Variants in CDC73 observed in about 807,000 individuals in gnomAD.
The protein encoded by CDC73 is parafibromin.
In CDC73, 21 loss-of-function variants were observed where a neutral mutation model predicts 83.7. That is an observed-to-expected ratio of 0.25 (90% CI 0.18 to 0.36). The LOEUF is 0.36. Among genes scored for constraint, CDC73 ranks in the 10% least tolerant of loss-of-function variants. The pLI is 1.00. For missense variants in CDC73, 342 were observed against 653.3 expected (o/e 0.52, Z 5.19); for synonymous variants, 224 against 212.9 (o/e 1.05, Z -0.45).
At chr1:193,219,187 TATC>T (rs1677421106) in intron 13 of CDC73, among the ~76,000 whole-genome samples, 1 of 152,210 alleles carries the variant, frequency 6.6e-6, no homozygotes, top group Non-Finnish European at 1.5e-5. Flanking sequence ...TGCAATGAGA[TATC>T]ATCTCACATC....
intron 13 of CDC73, among the ~76,000 whole-genome samples, chr1:193,231,733 T>C (rs1044553806): frequency 6.6e-6 from 1 of 152,186 alleles, no homozygotes; most frequent in African/African-American, 2.4e-5. Context: ...CACCATGAAC[T>C]AAAAACTTTC....
In CDC73 at chr1:193,135,693, T is replaced by C. The variant is rs1675781160; in HGVS notation, c.423+104T>C. The C allele has an allele frequency of 1.3e-5, 12 of 906,722 alleles. 1 individual carries two copies. The South Asian group carries it at 1.6e-4, about 12-fold the overall frequency. The allele number at this position is 906,722 out of a possible 1,614,324, so 56.2% of individuals were successfully genotyped here. ...TTGCAGTAACCTGAGGAGCTTTTTTTCTGGAAAAATTTTTGTGGTAGAAAG... is the reference window on the plus strand; with the variant it reads ...TTGCAGTAACCTGAGGAGCTTTTTTCCTGGAAAAATTTTTGTGGTAGAAAG... On this transcript the variant is annotated intron_variant, in intron 5 of 16. Transcript: ENST00000367435.
Position 193,150,313 on chromosome 1 carries a change from T to A in CDC73, c.838T>A (p.Leu280Met). 1 of 1,609,656 alleles carries A rather than the reference T, an allele frequency of 6.2e-7. No individual in the cohort carries two copies. The stretch of plus-strand genomic sequence containing the variant: ...ATTAATTTTTTTACAGGATCCCACT[T>A]TGCGCACCAAACAGCCTATCCCAGC... ...APNAAPVDPT[L>M]RTKQPIPAAY... Residue 280 changes from leucine to methionine, a missense_variant, in exon 9 of 17, where the codon TTG becomes ATG. Around this residue, in one of 3 missense-constraint regions of CDC73, gnomAD observed 239 missense variants for 420.6 expected, o/e 0.57. Coordinates refer to ENST00000367435, the MANE Select transcript of CDC73 (RefSeq NM_024529.5).
In CDC73 at chr1:193,168,486, T is replaced by C. The variant is rs150518671; in HGVS notation, c.972+16042T>C. 1.2e-3 allele frequency among the ~76,000 whole-genome samples: 182 copies of C among 152,168 alleles called. 1 individual carries two copies. The highest frequency in any genetic ancestry group is 6.8e-3 in the Middle Eastern group (2 of 294). On this transcript the variant is annotated intron_variant, in intron 10 of 16. Coordinates refer to ENST00000367435, the MANE Select transcript of CDC73 (RefSeq NM_024529.5). ...GCCAACTGGCAGTGCTAACTAAACC[T>C]GAGAGTACCACATAAGGTTTCTGTT...
At chr1:193,174,174 C>G (rs1432779968) in intron 10 of CDC73, among the ~76,000 whole-genome samples, 1 of 151,356 alleles carries the variant, frequency 6.6e-6, no homozygotes, top group Admixed American at 6.6e-5. Flanking sequence ...CTAAGTTTTT[C>G]AACAACTTGA....
chr1:193,151,461 A>C (rs1558288874), intron 9 of CDC73, among the ~76,000 whole-genome samples: 1 of 152,244 alleles, frequency 6.6e-6, no homozygotes, highest in Non-Finnish European at 1.5e-5. Context: ...GGTTGCCCCC[A>C]ATTGATCACA....
chr1:193,204,228 T>C (rs767735557), intron 11 of CDC73, among the ~76,000 whole-genome samples: 1,299 of 95,610 alleles, frequency 0.014, 17 homozygotes, highest in South Asian at 0.051. Context: ...TATATATATG[T>C]ATATATACAC....
intron 10 of CDC73, among the ~76,000 whole-genome samples, chr1:193,184,358 C>T (rs1045544449): frequency 3.3e-5 from 5 of 151,776 alleles, no homozygotes; most frequent in East Asian, 1.9e-4. Context: ...CAGTTATTGC[C>T]TGTTGTATTT....
chr1:193,168,137 G>A (rs1287645766), intron 10 of CDC73, among the ~76,000 whole-genome samples: 2 of 152,270 alleles, frequency 1.3e-5, no homozygotes, highest in Non-Finnish European at 1.5e-5. Flanking sequence ...GGGATTACAG[G>A]TGTGAGCCAC....
intron 5 of CDC73, among the ~76,000 whole-genome samples, chr1:193,136,914 C>T (rs1675811407): frequency 6.6e-6 from 1 of 152,150 alleles, no homozygotes; most frequent in Admixed American, 6.5e-5. Context: ...TGAAAAAATT[C>T]AACATGGCAG....
chr1:193,243,173 C>G (rs1199095127), intron 15 of CDC73, among the ~76,000 whole-genome samples: 1 of 152,088 alleles, frequency 6.6e-6, no homozygotes, highest in Non-Finnish European at 1.5e-5. Flanking sequence ...AACTCCTGAC[C>G]TCAGGATCCG....
rs142414871 is a variant in CDC73, at chr1:193,212,113, A to G, written c.1066+13A>G. On this transcript the variant is annotated intron_variant, in intron 12 of 16. Transcript: ENST00000367435. ...AATCAGAAGAAAGGTGAGGTTGTGC[A>G]TATGATTTTAAACTTAACTTTAAAA... is the stretch of plus-strand genomic sequence containing the variant. The G allele has an allele frequency of 7.2e-5, 113 of 1,571,062 alleles. No individual in the cohort carries two copies. The African/African-American group carries it at 7.4e-4, about 10-fold the overall frequency.
At chr1:193,217,177 G>C (rs1677382692) in intron 13 of CDC73, among the ~76,000 whole-genome samples, 2 of 152,076 alleles carry the variant, frequency 1.3e-5, no homozygotes, top group Admixed American at 6.5e-5. Flanking sequence ...GGAGCACACC[G>C]ACGGGCAGGC....
chr1:193,246,455 T>C (rs889744093), intron 15 of CDC73, among the ~76,000 whole-genome samples: 4 of 152,110 alleles, frequency 2.6e-5, no homozygotes, highest in Non-Finnish European at 4.4e-5. Context: ...CCAAAAATAC[T>C]CTTAGAACTG....
At chr1:193,202,364 T>C (rs1221218265) in intron 10 of CDC73, among the ~76,000 whole-genome samples, 2 of 152,048 alleles carry the variant, frequency 1.3e-5, no homozygotes, top group African/African-American at 4.8e-5. Context: ...CACATCATAA[T>C]GATGTTAAAT....
intron 2 of CDC73, among the ~76,000 whole-genome samples, 180 bp downstream of exon 2, chr1:193,125,397 G>T (rs1013915048): frequency 6.6e-6 from 1 of 151,946 alleles, no homozygotes; most frequent in Non-Finnish European, 1.5e-5. Context: ...AGCCAGGACT[G>T]CAGGCCTGTG....
At position 193,179,881 on chromosome 1, in the gene CDC73, G is replaced by A. The variant is rs1214753454; in HGVS notation, c.973-23914G>A. The A allele has an allele frequency of 2.0e-5, 3 of 152,788 alleles. No individual in the cohort carries two copies. In the Admixed American group the frequency reaches 2.0e-4, roughly 10 times the overall value. 9.5% of individuals were successfully genotyped at this position (152,788 alleles called of 1,614,324 possible). A position where few individuals can be genotyped will look rare whatever the true frequency, so the allele number is the denominator to read the frequency against. On this transcript the variant is annotated intron_variant, in intron 10 of 16. Coordinates refer to ENST00000367435, the MANE Select transcript of CDC73 (RefSeq NM_024529.5). The stretch of plus-strand genomic sequence containing the variant: ...TTAAAAAGTTTCCTTAAAATTGATA[G>A]TGATGTTTTATTTACATTAAATTAT...
rs1477235333 is a variant in CDC73, at chr1:193,144,726, CAA to C, written c.729+2661_729+2662del. Among the ~76,000 whole-genome samples, 13 of 151,972 alleles carry C rather than the reference CAA, an allele frequency of 8.6e-5. No individual in the cohort carries two copies. In the East Asian group the frequency reaches 2.1e-3, roughly 25 times the overall value. ...CTGCAAACATGATGGTTATTCTCAT[CAA>C]GAGACTTGTGCCGTTGTGTGAAGTA... On this transcript the variant is annotated intron_variant, in intron 7 of 16. Transcript: ENST00000367435.
At chr1:193,169,860 G>A (rs963368196) in intron 10 of CDC73, among the ~76,000 whole-genome samples, 4 of 151,788 alleles carry the variant, frequency 2.6e-5, no homozygotes, top group African/African-American at 9.7e-5. Flanking sequence ...ATGTAAACTT[G>A]TGTCATGGGG....
Sources: gnomAD v4.1 joint callset for allele counts (sites outside exome capture counted in the v4.1 genomes callset) on GRCh38, gnomAD v4.1.1 for gene constraint, gnomAD v4.1.1 regional missense constraint, MANE v1.5 for transcripts, NCBI Gene and HGNC (gene_info 2026-07-23, HGNC 2026-07-21) for gene names.